The following IPMK variants were observed in gnomAD, a reference collection of about 807,000 sequenced individuals.
The protein encoded by IPMK is inositol 1,3,4,6-tetrakisphosphate 5-kinase.
A neutral mutation model predicts 45.8 loss-of-function variants in IPMK; 17 were observed. The observed-to-expected ratio is 0.37, with a 90% CI of 0.25 to 0.56. The LOEUF is 0.56. Among genes scored for constraint, IPMK ranks in the 20% least tolerant of loss-of-function variants. The probability of loss-of-function intolerance (pLI) is 0.79; values close to 1 mark genes in which losing one functional copy is unlikely to be tolerated. For synonymous variants in IPMK, 180 were observed against 184.3 expected (o/e 0.98, Z 0.19); for missense variants, 399 against 498.0 (o/e 0.80, Z 1.89).
intron 4 of IPMK, among the ~76,000 whole-genome samples, chr10:58,203,174 C>T (rs1375595293): frequency 1.3e-5 from 2 of 152,116 alleles, no homozygotes; most frequent in African/African-American, 4.8e-5. Flanking sequence ...GAGTTCAATT[C>T]AAGACTTCAG....
At chr10:58,264,141 G>T (rs575458594) in intron 1 of IPMK, among the ~76,000 whole-genome samples, 1 of 152,300 alleles carries the variant, frequency 6.6e-6, no homozygotes, top group Admixed American at 6.5e-5. Context: ...CTACAGAAGA[G>T]AATATCCTTG....
chr10:58,256,873 G>A (rs1037813540), intron 1 of IPMK, among the ~76,000 whole-genome samples: 9 of 152,166 alleles, frequency 5.9e-5, no homozygotes, highest in African/African-American at 2.2e-4. Flanking sequence ...GACCAGCCTC[G>A]GCAACATAGT....
Position 58,226,183 on chromosome 10 carries a change from G to A in IPMK, c.373+860C>T, listed in dbSNP as rs539452574. Among the ~76,000 whole-genome samples the A allele has an allele frequency of 1.1e-3, 173 of 152,202 alleles. 5 individuals are homozygous for A. Among genetic ancestry groups the A allele is most frequent in the African/African-American group, 5.8e-4 (24 of 41,538 alleles). On this transcript the variant is annotated intron_variant, in intron 3 of 5. Coordinates refer to ENST00000373935, the MANE Select transcript of IPMK (RefSeq NM_152230.5). Reference sequence around the variant, plus strand: ...GTTCCCTATTAGTGAAACCTGGCACGCAAAGTCATTAAGTTAAAGGAAGAC... The same window carrying A: ...GTTCCCTATTAGTGAAACCTGGCACACAAAGTCATTAAGTTAAAGGAAGAC...
chr10:58,195,908 T>A lies in IPMK; in HGVS notation c.*168A>T, dbSNP rs1837885177. ...AGTTTTCTAATGAACAAATAGTTAG[T>A]TTTCCTGAGTAAGATTATAAAAAAG... On this transcript the variant is annotated 3_prime_UTR_variant, in exon 6 of 6. Transcript: ENST00000373935. The A allele has an allele frequency of 1.6e-6, 1 of 638,344 alleles. No individual in the cohort carries two copies. The highest frequency in any genetic ancestry group is 2.6e-6 in the Non-Finnish European group (1 of 379,286). The allele number at this position is 638,344 out of a possible 1,614,324, so 39.5% of individuals were successfully genotyped here.
chr10:58,259,982 A>C (rs1372260673), intron 1 of IPMK, among the ~76,000 whole-genome samples: 1 of 152,200 alleles, frequency 6.6e-6, no homozygotes, highest in Non-Finnish European at 1.5e-5. Context: ...AACAGTCTCA[A>C]AATATTCCTC....
chr10:58,247,495 G>A (rs1254208382), intron 1 of IPMK, among the ~76,000 whole-genome samples: 1 of 151,724 alleles, frequency 6.6e-6, no homozygotes, highest in Non-Finnish European at 1.5e-5. Context: ...ATGAGTTCAT[G>A]TCCTTTGTAG....
At chr10:58,197,675 A>G (rs550830428) in intron 5 of IPMK, among the ~76,000 whole-genome samples, 82 of 70,840 alleles carry the variant, frequency 1.2e-3, no homozygotes, top group South Asian at 0.011. Flanking sequence ...GAAAAGAAAA[A>G]AAAAAAAAAG....
At chr10:58,207,306 A>G (rs1171990184) in intron 4 of IPMK, among the ~76,000 whole-genome samples, 1 of 152,218 alleles carries the variant, frequency 6.6e-6, no homozygotes, top group African/African-American at 2.4e-5. Flanking sequence ...TTATCCATTC[A>G]TTGGTTGACA....
At chr10:58,252,848 G>C (rs957080761) in intron 1 of IPMK, among the ~76,000 whole-genome samples, 12 of 151,920 alleles carry the variant, frequency 7.9e-5, no homozygotes, top group African/African-American at 2.9e-4. Flanking sequence ...CTGACTTCAG[G>C]TGATCCACCC....
chr10:58,262,483 C>A (rs1376889096), intron 1 of IPMK, among the ~76,000 whole-genome samples: 1 of 152,110 alleles, frequency 6.6e-6, no homozygotes, highest in Non-Finnish European at 1.5e-5. Context: ...AATATTTATA[C>A]ATACTTTAAA....
intron 1 of IPMK, among the ~76,000 whole-genome samples, chr10:58,255,211 C>A (rs977746513): frequency 2.6e-5 from 4 of 152,232 alleles, no homozygotes; most frequent in Non-Finnish European, 4.4e-5. Flanking sequence ...CCTGTCACTG[C>A]AATCACTGAC....
intron 2 of IPMK, among the ~76,000 whole-genome samples, 189 bp downstream of exon 2, chr10:58,237,540 C>T (rs2790218): frequency 0.34 from 51,483 of 152,000 alleles, 10,963 homozygotes; most frequent in African/African-American, 0.61. Context: ...AATCTAAGAA[C>T]TGAAATAGAA....
At chr10:58,221,794 G>A (rs572388690) in intron 3 of IPMK, among the ~76,000 whole-genome samples, 3 of 151,994 alleles carry the variant, frequency 2.0e-5, no homozygotes, top group African/African-American at 7.2e-5. Context: ...TGTCGCCCAG[G>A]CTGGAGTGCA....
At chr10:58,233,400 G>A (rs1047976661) in intron 2 of IPMK, among the ~76,000 whole-genome samples, 1 of 152,160 alleles carries the variant, frequency 6.6e-6, no homozygotes, top group African/African-American at 2.4e-5. Flanking sequence ...CGTCCCTGAT[G>A]AATGTCGATG....
At chr10:58,233,563 G>A (rs545057428) in intron 2 of IPMK, among the ~76,000 whole-genome samples, 2 of 151,866 alleles carry the variant, frequency 1.3e-5, no homozygotes, top group African/African-American at 2.4e-5. Flanking sequence ...CAGAACCAAC[G>A]ACAAAAAACA....
At chr10:58,234,660 T>C (rs987439532) in intron 2 of IPMK, among the ~76,000 whole-genome samples, 3 of 152,140 alleles carry the variant, frequency 2.0e-5, no homozygotes, top group Non-Finnish European at 2.9e-5. Context: ...TATACAAAAA[T>C]TAATTCAAGA....
At chr10:58,235,791 C>G (rs995266262) in intron 2 of IPMK, among the ~76,000 whole-genome samples, 2 of 151,678 alleles carry the variant, frequency 1.3e-5, no homozygotes, top group Non-Finnish European at 2.9e-5. Flanking sequence ...GCACATGTAT[C>G]CTAGAACTTA....
In IPMK at chr10:58,260,457, G is replaced by C. The variant is rs144866581; in HGVS notation, c.190+6965C>G. On this transcript the variant is annotated intron_variant, in intron 1 of 5. Coordinates refer to ENST00000373935, the MANE Select transcript of IPMK (RefSeq NM_152230.5). ...AGGTGAGAAAATTGTCTTATTTTTAGGCAATATACACAATTATTTAGAGAA... is the reference window on the plus strand; with the variant it reads ...AGGTGAGAAAATTGTCTTATTTTTACGCAATATACACAATTATTTAGAGAA... Among the ~76,000 whole-genome samples the C allele has an allele frequency of 1.3e-3, 195 of 152,188 alleles. 1 individual carries two copies. Among genetic ancestry groups the C allele is most frequent in the Non-Finnish European group, 2.4e-3 (161 of 67,998 alleles).
intron 2 of IPMK, among the ~76,000 whole-genome samples, chr10:58,234,474 C>T (rs951345812): frequency 2.6e-5 from 4 of 152,090 alleles, no homozygotes; most frequent in African/African-American, 7.2e-5. Flanking sequence ...GAGATATAGA[C>T]CAATGGAACA....
Sources: allele counts gnomAD v4.1 joint callset (sites outside exome capture counted in the v4.1 genomes callset), GRCh38; gene constraint gnomAD v4.1.1; transcripts MANE v1.5; gene names NCBI Gene and HGNC (gene_info 2026-07-23, HGNC 2026-07-21).